Variants in SOS2 observed in about 807,000 individuals in gnomAD.
The protein encoded by SOS2 is son of sevenless homolog 2.
Under a neutral mutation model 148.2 loss-of-function variants are expected in SOS2, and 65 were observed. That is an observed-to-expected ratio of 0.44 (90% CI 0.36 to 0.54). The LOEUF is 0.54. SOS2 is among the 20% of genes least tolerant of loss of function. The pLI, the probability that SOS2 is intolerant of heterozygous loss-of-function variation, is 0.00. For synonymous variants in SOS2, 539 were observed against 537.1 expected (o/e 1.00, Z -0.05); for missense variants, 1,341 against 1,590.2 (o/e 0.84, Z 2.67).
chr14:50,181,269 G>A (rs1353393668), intron 6 of SOS2, among the ~76,000 whole-genome samples: 3 of 152,030 alleles, frequency 2.0e-5, no homozygotes, highest in Non-Finnish European at 1.5e-5. Context: ...CAACAGAGAG[G>A]AACACCGTCT....
intron 4 of SOS2, among the ~76,000 whole-genome samples, chr14:50,198,867 G>A (rs910155608): frequency 5.3e-5 from 8 of 152,196 alleles, no homozygotes; most frequent in African/African-American, 1.4e-4. Context: ...GTTATTCAGC[G>A]TTATAGCTTC....
intron 6 of SOS2, among the ~76,000 whole-genome samples, 154 bp from the exon 7 acceptor site, chr14:50,180,836 C>T (rs1885709668): frequency 6.6e-6 from 1 of 151,634 alleles, no homozygotes; most frequent in Non-Finnish European, 1.5e-5. Context: ...GAGTGAAACC[C>T]TGTCTCAAAA....
At chr14:50,204,511 A>G in intron 1 of SOS2, 102 bp from the exon 2 acceptor site, 2 of 690,258 alleles carry the variant, frequency 2.9e-6, no homozygotes, top group Non-Finnish European at 4.8e-6. Flanking sequence ...ATGGTTACTC[A>G]AAACAGACAT....
At chr14:50,199,906 T>A in intron 3 of SOS2, 51 bp from the exon 4 acceptor site, 1 of 1,178,912 alleles carries the variant, frequency 8.5e-7, no homozygotes, top group Non-Finnish European at 1.2e-6. Context: ...TGTCAAGTAT[T>A]ACACACTTAA....
chr14:50,182,346 A>C, intron 6 of SOS2, 117 bp downstream of exon 6: 1 of 895,320 alleles, frequency 1.1e-6, no homozygotes. Flanking sequence ...ATGCCTGGAT[A>C]ATTATTTTAC....
chr14:50,211,817 T>G (rs1023644632), intron 1 of SOS2, among the ~76,000 whole-genome samples: 2 of 152,134 alleles, frequency 1.3e-5, no homozygotes, highest in East Asian at 3.8e-4. Context: ...TAGACAGCAA[T>G]GCTCTAGAGA....
chr14:50,143,522 C>T (rs1429006538), intron 16 of SOS2, among the ~76,000 whole-genome samples: 1 of 152,032 alleles, frequency 6.6e-6, no homozygotes, highest in Non-Finnish European at 1.5e-5. Context: ...ACTGCAACCT[C>T]CACCAGGCAG....
At chr14:50,215,325 C>A in intron 1 of SOS2, 1 of 1,193,604 alleles carries the variant, frequency 8.4e-7, no homozygotes, top group Non-Finnish European at 1.1e-6. Context: ...TTCTTAATTT[C>A]AAATATGAAA....
intron 18 of SOS2, among the ~76,000 whole-genome samples, chr14:50,134,449 A>G (rs1884007019): frequency 6.6e-6 from 1 of 152,194 alleles, no homozygotes; most frequent in Non-Finnish European, 1.5e-5. Context: ...TTTCTGTGGA[A>G]GTTATATTCT....
At chr14:50,128,429 CCT>C (rs1491211324) in intron 21 of SOS2, among the ~76,000 whole-genome samples, 2 of 150,604 alleles carry the variant, frequency 1.3e-5, no homozygotes, top group Non-Finnish European at 3.0e-5. Context: ...TACAAACAAA[CCT>C]AAACAAACAA....
rs534107558 is a variant in SOS2, at chr14:50,161,037, G to A, written c.1196+445C>T. Among the ~76,000 whole-genome samples, 46 of 150,666 alleles carry A rather than the reference G, an allele frequency of 3.1e-4. No individual in the cohort carries two copies. In the South Asian group the frequency reaches 6.9e-3, roughly 23 times the overall value. On this transcript the variant is annotated intron_variant, in intron 9 of 22. Coordinates refer to ENST00000216373, the MANE Select transcript of SOS2 (RefSeq NM_006939.4). ...TAAAAAAAAGAAAAAAAGGCTGGGC[G>A]CAGCGGCTCACACCTGTAATCCGAG...
chr14:50,215,548 T>G, intron 1 of SOS2: 2 of 1,079,458 alleles, frequency 1.9e-6, no homozygotes, highest in Non-Finnish European at 2.4e-6. Flanking sequence ...TAACAGTAGA[T>G]TAACAAGTCA....
chr14:50,159,413 G>A lies in SOS2; in HGVS notation c.1852+18C>T, dbSNP rs768521644. ...GGTCCCAGGCCCTAGGTCAGCAGTT[G>A]TAATGAGTTTCACATACCTGCATAC... On this transcript the variant is annotated intron_variant, in intron 10 of 22. Transcript: ENST00000216373. 6.5e-7 allele frequency: 1 copy of A among 1,540,998 alleles called. No individual in the cohort carries two copies. The highest frequency in any genetic ancestry group is 2.3e-5 in the East Asian group (1 of 44,174).
intron 7 of SOS2, among the ~76,000 whole-genome samples, chr14:50,176,733 G>C (rs1669747135): frequency 6.6e-6 from 1 of 152,214 alleles, no homozygotes; most frequent in South Asian, 2.1e-4. Context: ...ACTGGGGCTG[G>C]GCGTGATGGC....
At chr14:50,182,315 G>C (rs1885770442) in intron 6 of SOS2, 148 bp downstream of exon 6, 1 of 669,634 alleles carries the variant, frequency 1.5e-6, no homozygotes, top group Non-Finnish European at 2.5e-6. Flanking sequence ...TGAGTCACTG[G>C]GACCACAGAT....
Position 50,183,079 on chromosome 14 carries a change from T to C in SOS2, c.715-473A>G, listed in dbSNP as rs185925169. 7.9e-5 allele frequency among the ~76,000 whole-genome samples: 12 copies of C among 152,350 alleles called. No homozygotes were observed. In the East Asian group the frequency reaches 2.3e-3, roughly 29 times the overall value. On this transcript the variant is annotated intron_variant, in intron 5 of 22. Coordinates refer to ENST00000216373, the MANE Select transcript of SOS2 (RefSeq NM_006939.4). The stretch of plus-strand genomic sequence containing the variant: ...TAGCAGAATTTTTGCATTTTGCTCT[T>C]GGGAAAACTCATTCTTTGTAAAAAT...
intron 21 of SOS2, among the ~76,000 whole-genome samples, chr14:50,123,401 G>A: frequency 9.3e-6 from 1 of 107,382 alleles, no homozygotes; most frequent in Admixed American, 1.1e-4. Context: ...TTTTTTTTGA[G>A]ATGGAGTTTC....
chr14:50,142,170 G>C (rs1376846178), intron 16 of SOS2, among the ~76,000 whole-genome samples: 1 of 151,828 alleles, frequency 6.6e-6, no homozygotes, highest in Non-Finnish European at 1.5e-5. Flanking sequence ...AGCATGCCTG[G>C]GTAATTTTTA....
intron 14 of SOS2, among the ~76,000 whole-genome samples, chr14:50,147,777 T>C (rs1884536968): frequency 6.6e-6 from 1 of 152,188 alleles, no homozygotes; most frequent in African/African-American, 2.4e-5. Flanking sequence ...TTAATTAAAA[T>C]TCAGACAGAA....
Sources: allele counts gnomAD v4.1 joint callset (sites outside exome capture counted in the v4.1 genomes callset), GRCh38; gene constraint gnomAD v4.1.1; transcripts MANE v1.5; gene names NCBI Gene and HGNC (gene_info 2026-07-23, HGNC 2026-07-21).